The following LSM11 variants were observed in gnomAD, a reference collection of about 807,000 sequenced individuals.
LSM11 encodes the protein U7 snRNA-associated Sm-like protein LSm11.
LSM11 carries 14 observed loss-of-function variants against 28.1 expected under a neutral mutation model. The ratio of observed to expected loss-of-function variants is 0.50; its 90% confidence interval spans 0.33 to 0.78. LSM11 has a LOEUF of 0.78. Among genes scored for constraint, LSM11 ranks in the 30% least tolerant of loss-of-function variants. The probability of loss-of-function intolerance (pLI) is 0.02; values close to 1 mark genes in which losing one functional copy is unlikely to be tolerated. For missense variants in LSM11, 495 were observed against 510.6 expected, an observed-to-expected ratio of 0.97 and a Z score of 0.30; for synonymous variants, 207 against 214.2, an observed-to-expected ratio of 0.97 and a Z score of 0.30.
chr5:157,744,045 C>G lies in LSM11; in HGVS notation c.295C>G (p.Arg99Gly). Residue 99 changes from arginine to glycine, a missense_variant, in exon 1 of 4, where the codon CGC becomes GGC. By Grantham distance (125) the Arg-to-Gly change is moderately radical (BLOSUM62 -2). Transcript: ENST00000286307. ...APGPSGRTRRRPDAPAPDPER... is the reference protein window; with the variant it reads ...APGPSGRTRRGPDAPAPDPER... Reference sequence around the variant, plus strand: ...CGGGCCCTCGGGCAGGACTCGTCGCCGCCCGGACGCGCCCGCCCCGGACCC... The same window carrying G: ...CGGGCCCTCGGGCAGGACTCGTCGCGGCCCGGACGCGCCCGCCCCGGACCC... 1 of 1,431,282 alleles carries G rather than the reference C, an allele frequency of 7.0e-7. No individual in the cohort carries two copies. Among genetic ancestry groups the G allele is most frequent in the Non-Finnish European group, 9.2e-7 (1 of 1,091,446 alleles). The allele number at this position is 1,431,282 out of a possible 1,614,324, so 88.7% of individuals were successfully genotyped here. A position where few individuals can be genotyped will look rare whatever the true frequency, so the allele number is the denominator to read the frequency against.
At position 157,758,409 on chromosome 5, in the gene LSM11, TTTTC is replaced by T. The variant is rs1761364738; in HGVS notation, c.*3149_*3152del. ...GCGTGAGCTATCCCGCCCGGTCCCC[TTTTC>T]TTTATTATCGAAGATATTGTTTAAA... On this transcript the variant is annotated 3_prime_UTR_variant, in exon 4 of 4. Transcript: ENST00000286307. 6.6e-6 allele frequency: 1 copy of T among 152,228 alleles called. No homozygotes were observed. The highest frequency in any genetic ancestry group is 1.5e-5 in the Non-Finnish European group (1 of 68,042). The allele number at this position is 152,228 out of a possible 1,614,324, so 9.4% of individuals were successfully genotyped here.
Position 157,744,146 on chromosome 5 carries a change from G to A in LSM11, c.396G>A (p.Arg132=). The change falls in exon 1 of 4, where the codon AGG becomes AGA. Residue 132 remains arginine (R), a synonymous_variant. Coordinates refer to ENST00000286307, the MANE Select transcript of LSM11 (RefSeq NM_173491.4). ...ACGGGGCCGCAGGAGCGGGCCGGAG[G>A]GGTCCGGGTCGGAGCAGGAAGGCGC... ...EGDGAAGAGR[R]GPGRSRKAPR... 6.9e-7 allele frequency: 1 copy of A among 1,444,940 alleles called. No individual in the cohort carries two copies. The allele number at this position is 1,444,940 out of a possible 1,614,324, so 89.5% of individuals were successfully genotyped here.
intron 1 of LSM11, 62 bp from the exon 2 acceptor site, chr5:157,751,328 G>T (rs1423485713): frequency 6.7e-7 from 1 of 1,498,122 alleles, no homozygotes; most frequent in Non-Finnish European, 8.9e-7. Context: ...GGTGGTCGTG[G>T]CTTAATTCTG....
Position 157,756,594 on chromosome 5 carries a change from C to T in LSM11, c.*1330C>T, listed in dbSNP as rs1203500342. ...TAACATAAATAAGCCTTCTGAGAAG[C>T]AGGGTGAATAAAGTTTAGGGAGCTG... On this transcript the variant is annotated 3_prime_UTR_variant, in exon 4 of 4. Coordinates refer to ENST00000286307, the MANE Select transcript of LSM11 (RefSeq NM_173491.4). 3 of 152,474 alleles carry T rather than the reference C, an allele frequency of 2.0e-5. No individual in the cohort carries two copies. The highest frequency in any genetic ancestry group is 4.8e-5 in the African/African-American group (2 of 41,406). 9.4% of individuals were successfully genotyped at this position (152,474 alleles called of 1,614,324 possible).
In LSM11 at chr5:157,758,499, C is replaced by T. The variant is rs1761365880; in HGVS notation, c.*3235C>T. ...ATTCAAAAAATGTGATCATTTAGGA[C>T]ATTATCACAAGTTGCTATGGAAATA... is the stretch of plus-strand genomic sequence containing the variant. On this transcript the variant is annotated 3_prime_UTR_variant, in exon 4 of 4. Transcript: ENST00000286307. 6.6e-6 allele frequency: 1 copy of T among 152,152 alleles called. No homozygotes were observed. 9.4% of individuals were successfully genotyped at this position (152,152 alleles called of 1,614,324 possible). A position where few individuals can be genotyped will look rare whatever the true frequency, so the allele number is the denominator to read the frequency against.
In LSM11 at chr5:157,743,830, G is replaced by C. The variant is rs1265835688; in HGVS notation, c.80G>C (p.Ser27Thr). Residue 27 changes from serine to threonine, a missense_variant, in exon 1 of 4, where the codon AGC (serine) becomes ACC (threonine). Physicochemically the swap from Ser to Thr is moderately conservative, Grantham distance 58. Coordinates refer to ENST00000286307, the MANE Select transcript of LSM11 (RefSeq NM_173491.4). ...ARPPSPRLDV[S>T]SDSFDPLLAL... ...CCGCCCAGCCCGCGGCTGGATGTCA[G>C]CTCTGACAGCTTCGACCCGCTGCTG... The C allele has an allele frequency of 6.5e-7, 1 of 1,544,516 alleles. No homozygotes were observed. Among genetic ancestry groups the C allele is most frequent in the Non-Finnish European group, 8.7e-7 (1 of 1,148,398 alleles).
intron 1 of LSM11, among the ~76,000 whole-genome samples, chr5:157,751,062 G>A (rs1422765137): frequency 3.3e-5 from 5 of 152,260 alleles, no homozygotes; most frequent in East Asian, 3.9e-4. Flanking sequence ...GATTACAGAC[G>A]TGAGCCACCA....
At position 157,743,973 on chromosome 5, in the gene LSM11, G is replaced by A; in HGVS notation, c.223G>A (p.Gly75Arg). The A allele has an allele frequency of 1.6e-6, 2 of 1,274,740 alleles. No individual in the cohort carries two copies. Among genetic ancestry groups the A allele is most frequent in the Non-Finnish European group, 2.0e-6 (2 of 1,010,564 alleles). 79.0% of individuals were successfully genotyped at this position (1,274,740 alleles called of 1,614,324 possible). A position where few individuals can be genotyped will look rare whatever the true frequency, so the allele number is the denominator to read the frequency against. ...TGVRGGGRGR[G>R]RARGAAAGSG... ...AGTCCGGGGCGGCGGGCGCGGGCGC[G>A]GGCGGGCTCGGGGCGCGGCCGCGGG... The change falls in exon 1 of 4, where the codon GGG (glycine) becomes AGG (arginine). Residue 75 changes from glycine to arginine, a missense_variant. By Grantham distance (125) the Gly-to-Arg change is moderately radical. Coordinates refer to ENST00000286307, the MANE Select transcript of LSM11 (RefSeq NM_173491.4).
rs973352707 is a variant in LSM11 at position 157,756,536 on chromosome 5, A to C, written c.*1272A>C. The C allele has an allele frequency of 1.3e-5, 2 of 152,574 alleles. No individual in the cohort carries two copies. Among genetic ancestry groups the C allele is most frequent in the Non-Finnish European group, 2.9e-5 (2 of 68,038 alleles). The allele number at this position is 152,574 out of a possible 1,614,324, so 9.5% of individuals were successfully genotyped here. A position where few individuals can be genotyped will look rare whatever the true frequency, so the allele number is the denominator to read the frequency against. On this transcript the variant is annotated 3_prime_UTR_variant, in exon 4 of 4. Coordinates refer to ENST00000286307, the MANE Select transcript of LSM11 (RefSeq NM_173491.4). ...AATAGCCAACTAGTTAAAATGTATG[A>C]AAAGAAAACTTTCCCCTGCTGTATT...
Position 157,754,419 on chromosome 5 carries a change from C to T in LSM11, c.672+332C>T, listed in dbSNP as rs138783573. ...TAGAAATAGGAAATTTATGGCCAGG[C>T]GTGGTGGCTCATGCCTGTAATCCCA... On this transcript the variant is annotated intron_variant, in intron 3 of 3. Transcript: ENST00000286307. Among the ~76,000 whole-genome samples the T allele has an allele frequency of 2.8e-3, 431 of 152,190 alleles. 12 individuals carry two copies. The East Asian group carries it at 0.062, about 22-fold the overall frequency.
At chr5:157,747,652 T>C (rs13183577) in intron 1 of LSM11, 17,967 of 171,120 alleles carry the variant, frequency 0.1, 1,021 homozygotes, top group Middle Eastern at 0.15. Context: ...CAATATGGTG[T>C]CTTGATGTTT....
At chr5:157,753,161 C>A (rs938786067) in intron 2 of LSM11, among the ~76,000 whole-genome samples, 1 of 152,168 alleles carries the variant, frequency 6.6e-6, no homozygotes, top group African/African-American at 2.4e-5. Flanking sequence ...CAAACTTTTT[C>A]CTCGGCCTAA....
intron 2 of LSM11, among the ~76,000 whole-genome samples, chr5:157,752,947 C>T (rs1484584180): frequency 6.6e-6 from 1 of 152,028 alleles, no homozygotes; most frequent in Non-Finnish European, 1.5e-5. Context: ...TTATCCCCAT[C>T]CACGCATCCT....
Position 157,755,810 on chromosome 5 carries a change from C to T in LSM11, c.*546C>T. 1 of 400,848 alleles carries T rather than the reference C, an allele frequency of 2.5e-6. No individual in the cohort carries two copies. Among genetic ancestry groups the T allele is most frequent in the Non-Finnish European group, 4.4e-6 (1 of 227,686 alleles). The allele number at this position is 400,848 out of a possible 1,614,324, so 24.8% of individuals were successfully genotyped here. A position where few individuals can be genotyped will look rare whatever the true frequency, so the allele number is the denominator to read the frequency against. ...TTTGAATATCTACAAGGAAAGTTACCAACTTATGTAGGGGTGAAATTTGGA... is the reference window on the plus strand; with the variant it reads ...TTTGAATATCTACAAGGAAAGTTACTAACTTATGTAGGGGTGAAATTTGGA... On this transcript the variant is annotated 3_prime_UTR_variant, in exon 4 of 4. Coordinates refer to ENST00000286307, the MANE Select transcript of LSM11 (RefSeq NM_173491.4).
In LSM11 at chr5:157,756,802, T is replaced by A. The variant is rs184005916; in HGVS notation, c.*1538T>A. 26 of 152,758 alleles carry A rather than the reference T, an allele frequency of 1.7e-4. No individual in the cohort carries two copies. The East Asian group carries it at 4.8e-3, about 28-fold the overall frequency. 9.5% of individuals were successfully genotyped at this position (152,758 alleles called of 1,614,324 possible). On this transcript the variant is annotated 3_prime_UTR_variant, in exon 4 of 4. Transcript: ENST00000286307. Reference sequence around the variant, plus strand: ...TTTAAGTGCCATGAGTAATTTTTCCTGACTCTGTTTCATAGCTTTGTAAGA... The same window carrying A: ...TTTAAGTGCCATGAGTAATTTTTCCAGACTCTGTTTCATAGCTTTGTAAGA...
Position 157,758,024 on chromosome 5 carries a change from T to C in LSM11, c.*2760T>C, listed in dbSNP as rs1380971249. On this transcript the variant is annotated 3_prime_UTR_variant, in exon 4 of 4. Transcript: ENST00000286307. ...TTTGGTCTGGACAGTGGTTCTGGAA[T>C]GAATTCTATCTAGTAAATTAGTAAA... 1 of 152,276 alleles carries C rather than the reference T, an allele frequency of 6.6e-6. No individual in the cohort carries two copies. The highest frequency in any genetic ancestry group is 2.4e-5 in the African/African-American group (1 of 41,472). The allele number at this position is 152,276 out of a possible 1,614,324, so 9.4% of individuals were successfully genotyped here.
intron 2 of LSM11, among the ~76,000 whole-genome samples, chr5:157,752,436 T>TTTTTATAATGAGGTTTTATAATGA (rs1327939752): frequency 6.6e-6 from 1 of 151,286 alleles, no homozygotes; most frequent in East Asian, 2.0e-4. Context: ...GGCCACATGG[T>TTTTTATAATGAGGTTTTATAATGA]GGTTTTATAA....
In LSM11 at chr5:157,751,469, C is replaced by G; in HGVS notation, c.528C>G (p.Phe176Leu). 6.2e-7 allele frequency: 1 copy of G among 1,613,202 alleles called. No homozygotes were observed. The highest frequency in any genetic ancestry group is 8.5e-7 in the Non-Finnish European group (1 of 1,179,710). The change falls in exon 2 of 4, where the codon TTC becomes TTG. Residue 176 changes from phenylalanine to leucine, a missense_variant. Physicochemically the swap from Phe to Leu is conservative, Grantham distance 22. Transcript: ENST00000286307. ...GVKVNVHIRT[F>L]KGLRGVCTGF... ...AGGTGAATGTTCACATCCGCACTTT[C>G]AAGGGACTTCGGGGCGTCTGTACAG... is the stretch of plus-strand genomic sequence containing the variant.
In LSM11 at chr5:157,760,094, T is replaced by A. The variant is rs1761387266; in HGVS notation, c.*4830T>A. On this transcript the variant is annotated 3_prime_UTR_variant, in exon 4 of 4. Coordinates refer to ENST00000286307, the MANE Select transcript of LSM11 (RefSeq NM_173491.4). ...TAACCTACCAGAGTTAGTGCTTCTTTAAAAACACTCCTTGGAAAGATGGGG... is the reference window on the plus strand; with the variant it reads ...TAACCTACCAGAGTTAGTGCTTCTTAAAAAACACTCCTTGGAAAGATGGGG... 6.6e-6 allele frequency: 1 copy of A among 152,240 alleles called. No individual in the cohort carries two copies. The highest frequency in any genetic ancestry group is 1.5e-5 in the Non-Finnish European group (1 of 68,040). The allele number at this position is 152,240 out of a possible 1,614,324, so 9.4% of individuals were successfully genotyped here. A position where few individuals can be genotyped will look rare whatever the true frequency, so the allele number is the denominator to read the frequency against.
Sources: gnomAD v4.1 joint callset for allele counts (sites outside exome capture counted in the v4.1 genomes callset) on GRCh38, gnomAD v4.1.1 for gene constraint, MANE v1.5 for transcripts, NCBI Gene and HGNC (gene_info 2026-07-23, HGNC 2026-07-21) for gene names.